Variants in SCML4 observed in about 807,000 individuals in gnomAD.
SCML4 encodes the protein sex comb on midleg-like protein 4.
In SCML4, 34 loss-of-function variants were observed where a neutral mutation model predicts 41.1. The observed-to-expected ratio is 0.83, with a 90% CI of 0.63 to 1.10. The LOEUF is 1.10. Ranked by LOEUF, SCML4 falls within the 50% of genes least tolerant of loss-of-function variation. SCML4 has a pLI of 0.00. For missense variants in SCML4, 522 were observed against 534.1 expected (o/e 0.98, Z 0.22); for synonymous variants, 214 against 220.9 (o/e 0.97, Z 0.28).
chr6:107,800,251 T>G (rs976499996), intron 1 of SCML4, among the ~76,000 whole-genome samples: 2 of 152,222 alleles, frequency 1.3e-5, no homozygotes, highest in Admixed American at 1.3e-4. Flanking sequence ...CTCCAAAAAT[T>G]GTGTTAACAG....
At chr6:107,805,470 C>T (rs1055399540) in intron 1 of SCML4, among the ~76,000 whole-genome samples, 6 of 152,184 alleles carry the variant, frequency 3.9e-5, no homozygotes, top group Non-Finnish European at 5.9e-5. Context: ...GAAAGCATCA[C>T]GTCCTTCCAT....
intron 1 of SCML4, among the ~76,000 whole-genome samples, chr6:107,776,779 C>A (rs1283531337): frequency 6.6e-6 from 1 of 152,182 alleles, no homozygotes; most frequent in Non-Finnish European, 1.5e-5. Flanking sequence ...CAAGGATATT[C>A]TTTGCAGCAT....
chr6:107,811,518 T>C (rs191476767), intron 1 of SCML4, among the ~76,000 whole-genome samples: 3 of 152,274 alleles, frequency 2.0e-5, no homozygotes, highest in Admixed American at 2.0e-4. Flanking sequence ...GTGAGAGCAA[T>C]AACAGGTATA....
intron 5 of SCML4, among the ~76,000 whole-genome samples, chr6:107,734,854 G>C (rs1312416041): frequency 6.6e-6 from 1 of 152,078 alleles, no homozygotes; most frequent in Non-Finnish European, 1.5e-5. Context: ...ACACTTTTTA[G>C]TTTCTTTTTG....
At position 107,707,976 on chromosome 6, in the gene SCML4, G is replaced by A. The variant is rs56215636; in HGVS notation, c.1009C>T (p.Arg337Trp). 0.028 allele frequency: 43,364 copies of A among 1,551,324 alleles called. 715 individuals carry two copies. Among genetic ancestry groups the A allele is most frequent in the Non-Finnish European group, 0.033 (37,807 of 1,146,968 alleles). The change falls in exon 7 of 8, where the codon CGG becomes TGG. Residue 337 changes from arginine (R) to tryptophan (W), a missense_variant. Coordinates refer to ENST00000369020, the MANE Select transcript of SCML4 (RefSeq NM_198081.5). Reference protein sequence around the residue: ...SPSQDAQDARRPRSRNPSAWT... With the variant: ...SPSQDAQDARWPRSRNPSAWT... ...GCGGAGGGGTTCCTGCTCCGTGGCCGCCTGGCATCCTGCGCATCCTGAGAA... is the reference window on the plus strand; with the variant it reads ...GCGGAGGGGTTCCTGCTCCGTGGCCACCTGGCATCCTGCGCATCCTGAGAA...
chr6:107,750,282 C>A (rs998443832), intron 2 of SCML4, among the ~76,000 whole-genome samples: 4 of 152,202 alleles, frequency 2.6e-5, no homozygotes, highest in Non-Finnish European at 5.9e-5. Context: ...AGAGCAGGAG[C>A]CATTCCTCCA....
intron 2 of SCML4, among the ~76,000 whole-genome samples, chr6:107,768,558 A>G (rs1286597194): frequency 6.6e-6 from 1 of 152,204 alleles, no homozygotes; most frequent in Non-Finnish European, 1.5e-5. Flanking sequence ...CTGAACAATA[A>G]TACAAGGCGA....
intron 7 of SCML4, 74 bp from the exon 8 acceptor site, chr6:107,705,399 G>T: frequency 7.1e-7 from 1 of 1,417,418 alleles, no homozygotes; most frequent in Non-Finnish European, 9.7e-7. Flanking sequence ...TAAGGTTAAG[G>T]TGTGGTCAAG....
intron 2 of SCML4, among the ~76,000 whole-genome samples, chr6:107,763,583 C>T (rs1779791552): frequency 6.6e-6 from 1 of 152,116 alleles, no homozygotes; most frequent in South Asian, 2.1e-4. Flanking sequence ...GACAGGGTTT[C>T]ACCACATTGG....
chr6:107,720,219 G>T, intron 6 of SCML4: 1 of 737,106 alleles, frequency 1.4e-6, no homozygotes, highest in Non-Finnish European at 1.7e-6. Flanking sequence ...ACCAGCTTTT[G>T]CCAATGAGAT....
chr6:107,758,232 T>C (rs972328484), intron 2 of SCML4, among the ~76,000 whole-genome samples: 1 of 152,146 alleles, frequency 6.6e-6, no homozygotes, highest in African/African-American at 2.4e-5. Flanking sequence ...AGGGGTAACA[T>C]TGAAGTCAGG....
intron 2 of SCML4, chr6:107,755,639 TTTGTCTTTGTTG>T: frequency 7.5e-7 from 1 of 1,334,430 alleles, no homozygotes; most frequent in Non-Finnish European, 9.9e-7. Context: ...TGGCAGGGCA[TTTGTCTTTGTTG>T]TTGCCTTAGG....
intron 5 of SCML4, among the ~76,000 whole-genome samples, chr6:107,741,508 G>A (rs768547004): frequency 3.3e-5 from 5 of 152,328 alleles, no homozygotes; most frequent in South Asian, 2.1e-4. Context: ...GACAAAGCAG[G>A]GAGGTAGAAC....
At chr6:107,775,892 T>G (rs531947163) in intron 1 of SCML4, among the ~76,000 whole-genome samples, 1 of 152,206 alleles carries the variant, frequency 6.6e-6, no homozygotes, top group East Asian at 1.9e-4. Context: ...TTCAAAAAAT[T>G]TAGGAACATT....
chr6:107,818,653 A>G (rs923221532), intron 1 of SCML4, among the ~76,000 whole-genome samples: 3 of 152,230 alleles, frequency 2.0e-5, no homozygotes, highest in Non-Finnish European at 2.9e-5. Context: ...GCCCAAAGGA[A>G]TTAAGTTACA....
At chr6:107,775,007 AAG>A (rs1031036839) in intron 1 of SCML4, among the ~76,000 whole-genome samples, 3 of 152,026 alleles carry the variant, frequency 2.0e-5, no homozygotes, top group Non-Finnish European at 2.9e-5. Flanking sequence ...AAAAAAAAAA[AAG>A]AAAGAAAGAA....
upstream of SCML4, among the ~76,000 whole-genome samples, chr6:107,828,415 G>A (rs1785315066): frequency 3.3e-5 from 5 of 152,336 alleles, no homozygotes; most frequent in South Asian, 1.0e-3. Context: ...TCGGTCTGCT[G>A]AAACAGGATG....
At chr6:107,751,596 T>TTCTTTCTC (rs1778648600) in intron 2 of SCML4, among the ~76,000 whole-genome samples, 1 of 137,912 alleles carries the variant, frequency 7.3e-6, no homozygotes, top group African/African-American at 2.8e-5. Context: ...CTTTCTTTCT[T>TTCTTTCTC]TCTTTCTTTC....
At chr6:107,780,685 C>T (rs975737888) in intron 1 of SCML4, among the ~76,000 whole-genome samples, 6 of 150,968 alleles carry the variant, frequency 4.0e-5, no homozygotes, top group Admixed American at 6.6e-5. Flanking sequence ...CCAGCCTAGG[C>T]GACAGAGTGA....
Sources: gnomAD v4.1 joint callset for allele counts (sites outside exome capture counted in the v4.1 genomes callset) on GRCh38, gnomAD v4.1.1 for gene constraint, MANE v1.5 for transcripts, NCBI Gene and HGNC (gene_info 2026-07-23, HGNC 2026-07-21) for gene names.